Variants in STK10 observed in about 807,000 individuals in gnomAD.
The protein encoded by STK10 is serine/threonine kinase 10, also known as serine/threonine-protein kinase 10.
In STK10, 78 loss-of-function variants were observed where a neutral mutation model predicts 113.8. The observed-to-expected ratio is 0.69, with a 90% CI of 0.57 to 0.83. The LOEUF (loss-of-function observed/expected upper bound fraction) is 0.83, where lower values mean the gene tolerates loss of function less well. Among genes scored for constraint, STK10 ranks in the 40% least tolerant of loss-of-function variants. The pLI is 0.00. For missense variants in STK10, 1,109 were observed against 1,280.1 expected (o/e 0.87, Z 2.04); for synonymous variants, 465 against 494.7 (o/e 0.94, Z 0.80).
chr5:172,094,367 TTATC>T (rs1768799788), intron 8 of STK10, among the ~76,000 whole-genome samples: 1 of 152,082 alleles, frequency 6.6e-6, no homozygotes. Context: ...TTTTATTTAT[TTATC>T]TATTTTTTTG....
intron 12 of STK10, among the ~76,000 whole-genome samples, chr5:172,070,353 C>T (rs1197399814): frequency 6.6e-6 from 1 of 150,948 alleles, no homozygotes; most frequent in East Asian, 1.9e-4. Flanking sequence ...TATGAGAGCC[C>T]CAAAACATTT....
In STK10 at chr5:172,088,397, A is replaced by G. The variant is rs367772949; in HGVS notation, c.1685+1835T>C. Among the ~76,000 whole-genome samples the G allele has an allele frequency of 1.7e-3, 254 of 152,136 alleles. 1 individual carries two copies. The highest frequency in any genetic ancestry group is 5.9e-3 in the African/African-American group (244 of 41,500). On this transcript the variant is annotated intron_variant, in intron 10 of 18. Coordinates refer to ENST00000176763, the MANE Select transcript of STK10 (RefSeq NM_005990.4). ...AAATTAGCCGGGCATGGTGGCGGGC[A>G]CCTGTAGTCCCAGCTACTCAGGAGG...
rs769873693 is a variant in STK10 at position 172,096,425 on chromosome 5, C to T, written c.1005+1G>A. The T allele has an allele frequency of 9.3e-6, 15 of 1,611,610 alleles. No homozygotes were observed. Among genetic ancestry groups the T allele is most frequent in the South Asian group, 2.2e-5 (2 of 91,092 alleles). On this transcript the variant is annotated splice_donor_variant, in intron 8 of 18. Coordinates refer to ENST00000176763, the MANE Select transcript of STK10 (RefSeq NM_005990.4). LOFTEE classifies it high-confidence loss of function. ...CTAAGCCCCACTCTCCCTGGCCTTA[C>T]GGAGGCGGCATCCACGGCGTCCTCC...
intron 2 of STK10, among the ~76,000 whole-genome samples, chr5:172,146,922 G>T (rs114393716): frequency 6.6e-6 from 1 of 152,146 alleles, no homozygotes; most frequent in African/African-American, 2.4e-5. Context: ...GGGAGACAGC[G>T]TCAGATCTCA....
chr5:172,155,876 T>A (rs1770337783), intron 2 of STK10, among the ~76,000 whole-genome samples: 2 of 151,584 alleles, frequency 1.3e-5, no homozygotes, highest in African/African-American at 2.4e-5. Context: ...ATGCCTATAA[T>A]CCCAGCTACT....
Position 172,188,102 on chromosome 5 carries a change from C to T in STK10, c.-60G>A, listed in dbSNP as rs577306355. On this transcript the variant is annotated 5_prime_UTR_variant, in exon 1 of 19. Transcript: ENST00000176763. This position sits in a 1 kb window ranked among gnomAD's most constrained non-coding sequence, Gnocchi z 5.6. ...GCTCGGGCTCGGGCTGTGGCTTCGGCGGCCGCGAGGAGAAGGAGGAGGAGT... is the reference window on the plus strand; with the variant it reads ...GCTCGGGCTCGGGCTGTGGCTTCGGTGGCCGCGAGGAGAAGGAGGAGGAGT... 1.4e-4 allele frequency: 219 copies of T among 1,571,560 alleles called. No homozygotes were observed. Among genetic ancestry groups the T allele is most frequent in the Non-Finnish European group, 1.7e-4 (202 of 1,159,192 alleles).
At chr5:172,054,724 G>A (rs1378383830) in intron 16 of STK10, 30 bp from the exon 17 acceptor site, 6 of 1,605,098 alleles carry the variant, frequency 3.7e-6, no homozygotes, top group Admixed American at 1.7e-5. Flanking sequence ...GGTGCCTCAG[G>A]GGACCAGGGC....
Position 172,086,857 on chromosome 5 carries a change from G to C in STK10, c.1685+3375C>G, listed in dbSNP as rs990392897. ...CCCTTTTGACCCTGAGTAGCACACA[G>C]CTGCTCTGCTCAGGAGGAGGGTGGG... On this transcript the variant is annotated intron_variant, in intron 10 of 18. Coordinates refer to ENST00000176763, the MANE Select transcript of STK10 (RefSeq NM_005990.4). Among the ~76,000 whole-genome samples, 3 of 152,326 alleles carry C rather than the reference G, an allele frequency of 2.0e-5. No homozygotes were observed. The South Asian group carries it at 6.2e-4, about 32-fold the overall frequency.
chr5:172,183,604 C>T (rs533783937), intron 1 of STK10, among the ~76,000 whole-genome samples: 1 of 152,058 alleles, frequency 6.6e-6, no homozygotes, highest in African/African-American at 2.4e-5. Context: ...TACAGGCATG[C>T]GCCACCACGC....
intron 10 of STK10, among the ~76,000 whole-genome samples, chr5:172,089,569 G>C (rs1768648822): frequency 6.6e-6 from 1 of 152,108 alleles, no homozygotes; most frequent in Non-Finnish European, 1.5e-5. Flanking sequence ...AGATAGATGG[G>C]TAGATAAATG....
At position 172,101,470 on chromosome 5, in the gene STK10, C is replaced by CAA. The variant is rs796588690; in HGVS notation, c.870+4184_870+4185dup. 2.6e-3 allele frequency among the ~76,000 whole-genome samples: 189 copies of CAA among 72,590 alleles called. 1 individual carries two copies. The highest frequency in any genetic ancestry group is 5.9e-3 in the African/African-American group (162 of 27,300). 47.6% of individuals were successfully genotyped at this position (72,590 alleles called of 152,430 possible). On this transcript the variant is annotated intron_variant, in intron 7 of 18. Transcript: ENST00000176763. The stretch of plus-strand genomic sequence containing the variant: ...TGGCAACAGAGCGAGACTCCGTCTC[C>CAA]AAAAAAAAAAAAAAAAAAGTCAATT...
chr5:172,054,978 C>T (rs1021802238), intron 16 of STK10, among the ~76,000 whole-genome samples: 1 of 152,114 alleles, frequency 6.6e-6, no homozygotes, highest in Non-Finnish European at 1.5e-5. Context: ...GGCCCGTGTG[C>T]CCGAGCCACA....
In STK10 at chr5:172,053,025, G is replaced by A. The variant is rs116090767; in HGVS notation, c.2670C>T (p.Leu890=). The change falls in exon 18 of 19, where the codon CTC becomes CTT. Residue 890 remains leucine, a synonymous_variant. Coordinates refer to ENST00000176763, the MANE Select transcript of STK10 (RefSeq NM_005990.4). ...GTTTCTGGGTTTCGTGCTCTACCAG[G>A]AGGTGGCACTTTTCATTCTGGAACA... is the stretch of plus-strand genomic sequence containing the variant. ...LQQLQNEKCH[L]LVEHETQKLK... is the part of the protein sequence containing the mutation. The A allele has an allele frequency of 3.1e-5, 50 of 1,614,170 alleles. No individual in the cohort carries two copies. In the African/African-American group the frequency reaches 6.4e-4, roughly 21 times the overall value.
intron 14 of STK10, 143 bp downstream of exon 14, chr5:172,060,996 C>T: frequency 7.6e-7 from 1 of 1,321,092 alleles, no homozygotes. Context: ...GGGGCTTTTC[C>T]CCAGGTTTCC....
chr5:172,104,127 C>T (rs1174964840), intron 7 of STK10, among the ~76,000 whole-genome samples: 1 of 152,232 alleles, frequency 6.6e-6, no homozygotes. Context: ...GACTCAAGTG[C>T]CTGGTGTGGC....
intron 12 of STK10, among the ~76,000 whole-genome samples, chr5:172,080,123 G>T (rs1328414003): frequency 7.2e-5 from 11 of 151,970 alleles, no homozygotes; most frequent in Admixed American, 7.2e-4. Flanking sequence ...CTATTATGAC[G>T]ATCTGTGATG....
intron 2 of STK10, among the ~76,000 whole-genome samples, chr5:172,152,520 T>G (rs891547451): frequency 4.6e-5 from 7 of 152,190 alleles, no homozygotes; most frequent in Non-Finnish European, 7.3e-5. Context: ...CTGGGAGTCA[T>G]CTAGAGCTTC....
intron 14 of STK10, among the ~76,000 whole-genome samples, chr5:172,060,466 C>T (rs980826465): frequency 3.3e-5 from 5 of 152,008 alleles, no homozygotes; most frequent in Admixed American, 2.0e-4. Context: ...ACCCCAAAAA[C>T]CCAGAGACCC....
At chr5:172,177,528 C>T (rs935850361) in intron 1 of STK10, among the ~76,000 whole-genome samples, 1 of 152,202 alleles carries the variant, frequency 6.6e-6, no homozygotes, top group African/African-American at 2.4e-5. Context: ...ACATGGCAGT[C>T]ACTAGCCACA....
Sources: allele counts gnomAD v4.1 joint callset (sites outside exome capture counted in the v4.1 genomes callset), GRCh38; gene constraint gnomAD v4.1.1; non-coding constraint Gnocchi (gnomAD v3.1); transcripts MANE v1.5; gene names NCBI Gene and HGNC (gene_info 2026-07-23, HGNC 2026-07-21).